The following EEIG2 variants were observed in gnomAD, a reference collection of about 807,000 sequenced individuals.
EEIG2 encodes the protein EEIG family member 2, also known as family with sequence similarity 102 member B.
chr1:108,578,743 G>C, the EEIG2 span, among the ~76,000 whole-genome samples: 1 of 150,380 alleles, frequency 6.6e-6, no homozygotes, highest in African/African-American at 2.4e-5. Context: ...CGGATCTCTC[G>C]GCAGAAACCC....
At chr1:108,575,518 C>T in the EEIG2 span, among the ~76,000 whole-genome samples, 2 of 152,146 alleles carry the variant, frequency 1.3e-5, no homozygotes, top group African/African-American at 4.8e-5. Context: ...CATGAATTTT[C>T]TTAGCACCAT....
chr1:108,625,475 G>A, the EEIG2 span: 2 of 152,294 alleles, frequency 1.3e-5, no homozygotes, highest in East Asian at 3.9e-4. Flanking sequence ...CCCTTTCACT[G>A]CCTTTTAAAA....
the EEIG2 span, chr1:108,628,455 C>T: frequency 1.2e-6 from 2 of 1,614,062 alleles, no homozygotes; most frequent in South Asian, 1.1e-5. Flanking sequence ...AGGAGAAATA[C>T]CTCAGTGGGA....
the EEIG2 span, among the ~76,000 whole-genome samples, chr1:108,574,214 A>G: frequency 2.6e-5 from 4 of 152,202 alleles, no homozygotes; most frequent in African/African-American, 7.2e-5. Flanking sequence ...ACATGCTACA[A>G]CATGGGTGAA....
the EEIG2 span, among the ~76,000 whole-genome samples, chr1:108,565,506 T>C: frequency 6.6e-6 from 1 of 152,266 alleles, no homozygotes; most frequent in Non-Finnish European, 1.5e-5. Flanking sequence ...CTTTTAAGGT[T>C]TATTAAAACT....
At chr1:108,618,205 G>C in the EEIG2 span, among the ~76,000 whole-genome samples, 4 of 152,296 alleles carry the variant, frequency 2.6e-5, no homozygotes, top group East Asian at 7.7e-4. Flanking sequence ...ACTGTTGCTA[G>C]AACAGCGCCC....
the EEIG2 span, among the ~76,000 whole-genome samples, chr1:108,578,214 T>C: frequency 0.032 from 3,578 of 110,112 alleles, 91 homozygotes; most frequent in Middle Eastern, 0.078. Context: ...GACGATGGGG[T>C]TTTCTAGATA....
At chr1:108,620,786 A>G in the EEIG2 span, among the ~76,000 whole-genome samples, 1 of 152,188 alleles carries the variant, frequency 6.6e-6, no homozygotes, top group Non-Finnish European at 1.5e-5. Context: ...CATTCGGTAC[A>G]TGTGTATTGA....
At chr1:108,562,617 C>T in the EEIG2 span, among the ~76,000 whole-genome samples, 1 of 152,230 alleles carries the variant, frequency 6.6e-6, no homozygotes, top group South Asian at 2.1e-4. Context: ...TACTTAGAGT[C>T]CCAAAACTTC....
At chr1:108,605,179 A>T in the EEIG2 span, among the ~76,000 whole-genome samples, 1 of 152,210 alleles carries the variant, frequency 6.6e-6, no homozygotes, top group Non-Finnish European at 1.5e-5. Context: ...TTGGCTATAG[A>T]GGGGAGCAAA....
chr1:108,596,624 A>T, the EEIG2 span, among the ~76,000 whole-genome samples: 2 of 152,194 alleles, frequency 1.3e-5, no homozygotes, highest in African/African-American at 4.8e-5. Flanking sequence ...TGCTTTTTTT[A>T]AAAATATAGC....
At chr1:108,573,032 G>A in the EEIG2 span, among the ~76,000 whole-genome samples, 2 of 151,976 alleles carry the variant, frequency 1.3e-5, no homozygotes, top group Admixed American at 1.3e-4. Flanking sequence ...CCAAGTTTTG[G>A]CAATTATGAA....
chr1:108,595,859 C>T, the EEIG2 span, among the ~76,000 whole-genome samples: 1 of 152,016 alleles, frequency 6.6e-6, no homozygotes, highest in East Asian at 1.9e-4. Flanking sequence ...GTAATAAAAA[C>T]CAAAGAAATC....
chr1:108,584,479 A>G, the EEIG2 span, among the ~76,000 whole-genome samples: 1 of 152,174 alleles, frequency 6.6e-6, no homozygotes, highest in African/African-American at 2.4e-5. Context: ...GGAACTACCC[A>G]TAGTATCGAT....
the EEIG2 span, chr1:108,636,671 TGAGA>T: frequency 6.6e-5 from 10 of 152,268 alleles, no homozygotes; most frequent in African/African-American, 1.4e-4. Context: ...AGAGAGACTC[TGAGA>T]GAGAGAATGT....
chr1:108,579,691 C>T, the EEIG2 span, among the ~76,000 whole-genome samples: 3 of 151,056 alleles, frequency 2.0e-5, no homozygotes, highest in Admixed American at 6.6e-5. Flanking sequence ...ATTTGTGGCA[C>T]CTCTACACCA....
the EEIG2 span, among the ~76,000 whole-genome samples, chr1:108,611,133 C>T: frequency 6.6e-6 from 1 of 152,278 alleles, no homozygotes; most frequent in Admixed American, 6.5e-5. Flanking sequence ...CTCCAGCCTG[C>T]AATTAAAATA....
At chr1:108,593,980 A>G in the EEIG2 span, among the ~76,000 whole-genome samples, 1 of 151,444 alleles carries the variant, frequency 6.6e-6, no homozygotes, top group Admixed American at 6.6e-5. Flanking sequence ...TAATTTTTAT[A>G]TTTTTTTTGT....
chr1:108,567,974 G>A, the EEIG2 span, among the ~76,000 whole-genome samples: 1 of 152,130 alleles, frequency 6.6e-6, no homozygotes, highest in African/African-American at 2.4e-5. Context: ...ACTCCAGCAT[G>A]GGTGATGGAG....
Sources: allele counts gnomAD v4.1 joint callset (sites outside exome capture counted in the v4.1 genomes callset), GRCh38; gene constraint gnomAD v4.1.1; transcripts MANE v1.5; gene names NCBI Gene and HGNC (gene_info 2026-07-23, HGNC 2026-07-21).